The following PHACTR2 variants were observed in gnomAD, a reference collection of about 807,000 sequenced individuals.
PHACTR2 encodes the protein chromosome 6 open reading frame 56.
Under a neutral mutation model 76.0 loss-of-function variants are expected in PHACTR2, and 30 were observed. The observed-to-expected ratio is 0.39, with a 90% CI of 0.30 to 0.54. The LOEUF (loss-of-function observed/expected upper bound fraction) is 0.54. Ranked by LOEUF, PHACTR2 falls within the 20% of genes least tolerant of loss-of-function variation. PHACTR2 has a pLI of 0.61. For missense variants in PHACTR2, 696 were observed against 781.1 expected, an observed-to-expected ratio of 0.89 and a Z score of 1.30; for synonymous variants, 292 against 292.5, an observed-to-expected ratio of 1.00 and a Z score of 0.02.
rs537165475 is a variant in PHACTR2 at position 143,828,465 on chromosome 6, T to G, written c.*4776T>G. 3 of 152,342 alleles carry G rather than the reference T, an allele frequency of 2.0e-5. No homozygotes were observed. The East Asian group carries it at 5.8e-4, about 29-fold the overall frequency. 9.4% of individuals were successfully genotyped at this position (152,342 alleles called of 1,614,324 possible). A position where few individuals can be genotyped will look rare whatever the true frequency, so the allele number is the denominator to read the frequency against. On this transcript the variant is annotated 3_prime_UTR_variant, in exon 13 of 13. Coordinates refer to ENST00000440869, the MANE Select transcript of PHACTR2 (RefSeq NM_001100164.2). This position sits in a 1 kb window ranked among gnomAD's most constrained non-coding sequence, Gnocchi z 4.7. ...ACCATTAGCATTTCTAGAAAGCAGCTGGAACCTTACCCACCAATGCTTTTT... is the reference window on the plus strand; with the variant it reads ...ACCATTAGCATTTCTAGAAAGCAGCGGGAACCTTACCCACCAATGCTTTTT...
intron 1 of PHACTR2, among the ~76,000 whole-genome samples, chr6:143,643,935 A>G (rs1371985608): frequency 6.6e-6 from 1 of 152,184 alleles, no homozygotes; most frequent in Non-Finnish European, 1.5e-5. Context: ...TGGATATCAA[A>G]AAAGATTAGA....
At chr6:143,797,741 T>A (rs1011417738) in intron 11 of PHACTR2, among the ~76,000 whole-genome samples, 1 of 151,838 alleles carries the variant, frequency 6.6e-6, no homozygotes, top group Admixed American at 6.6e-5. Flanking sequence ...TATTTCTCCG[T>A]TCTGTTCCAT....
At chr6:143,740,523 A>AAAAAAAAT (rs1778918045) in intron 2 of PHACTR2, among the ~76,000 whole-genome samples, 1 of 148,482 alleles carries the variant, frequency 6.7e-6, no homozygotes, top group South Asian at 2.2e-4. Flanking sequence ...AAAAAAAAAA[A>AAAAAAAAT]GGAAAAAATA....
In PHACTR2 at chr6:143,679,997, T is replaced by C. The variant is rs1038948193; in HGVS notation, c.46+1788T>C. Among the ~76,000 whole-genome samples the C allele has an allele frequency of 2.0e-5, 3 of 151,974 alleles. No homozygotes were observed. Among genetic ancestry groups the C allele is most frequent in the African/African-American group, 7.3e-5 (3 of 41,358 alleles). On this transcript the variant is annotated intron_variant, in intron 1 of 12. Transcript: ENST00000440869. The surrounding 1 kb of genome is among the most constrained non-coding windows in gnomAD (Gnocchi z 4.6). ...CAATCCATACATCATAAATACAGGG[T>C]TTTTTATTTTTCAGTTAAGGAATGA...
chr6:143,768,951 C>T (rs895525647), intron 6 of PHACTR2, among the ~76,000 whole-genome samples: 1 of 152,162 alleles, frequency 6.6e-6, no homozygotes, highest in Non-Finnish European at 1.5e-5. Flanking sequence ...AAATTTCCTT[C>T]CAAATTCCTT....
In PHACTR2 at chr6:143,662,909, A is replaced by G. The variant is rs902910305; in HGVS notation, c.14-49107A>G. ...CACAGTGTCTATTGTTCTCATGTTT[A>G]TGTCCATGTGTGCTCAATGTTTAGC... On this transcript the variant is annotated intron_variant, in intron 1 of 11. Transcript: ENST00000305766. This position sits in a 1 kb window ranked among gnomAD's most constrained non-coding sequence, Gnocchi z 4.7. 2.0e-5 allele frequency among the ~76,000 whole-genome samples: 3 copies of G among 152,030 alleles called. No individual in the cohort carries two copies. The highest frequency in any genetic ancestry group is 2.9e-5 in the Non-Finnish European group (2 of 67,980).
intron 3 of PHACTR2, 52 bp downstream of exon 3, chr6:143,749,117 T>G (rs768222639): frequency 1.2e-6 from 1 of 850,486 alleles, no homozygotes; most frequent in African/African-American, 1.7e-5. Flanking sequence ...ATTCTTTGGT[T>G]TTTCTTTTGT....
rs748075314 is a variant in PHACTR2, at chr6:143,829,188, CTTTTTTTTTTTTT to C, written c.*5509_*5521del. The C allele has an allele frequency of 1.4e-5, 1 of 71,706 alleles. No homozygotes were observed. Among genetic ancestry groups the C allele is most frequent in the Non-Finnish European group, 2.7e-5 (1 of 37,234 alleles). The allele number at this position is 71,706 out of a possible 1,614,324, so 4.4% of individuals were successfully genotyped here. ...AAGGAGAGATCATACATGAAGAAAG[CTTTTTTTTTTTTT>C]TTTTTTTTTGCCTTACAACTTTTCT... is the stretch of plus-strand genomic sequence containing the variant. On this transcript the variant is annotated 3_prime_UTR_variant, in exon 13 of 13. Transcript: ENST00000440869.
chr6:143,653,660 T>G lies in PHACTR2; in HGVS notation c.13+45338T>G, dbSNP rs1168332415. Among the ~76,000 whole-genome samples, 4 of 151,802 alleles carry G rather than the reference T, an allele frequency of 2.6e-5. No individual in the cohort carries two copies. The Admixed American group carries it at 2.6e-4, about 10-fold the overall frequency. On this transcript the variant is annotated intron_variant, in intron 1 of 11. Transcript: ENST00000305766. The surrounding 1 kb of genome is among the most constrained non-coding windows in gnomAD (Gnocchi z 4.9). ...CAAACAGTGCTAGGGCAACTAGATA[T>G]CTATGTGAAGAAGAATAAAGTGAGA...
Position 143,678,186 on chromosome 6 carries a change from C to T in PHACTR2, c.23C>T (p.Thr8Met), listed in dbSNP as rs1403783791. Reference sequence around the variant, plus strand: ...GTCATGGGCCAGACCTCGGTGTCCACGCTGTCCCCGCAGCCCGGCAGCGGT... The same window carrying T: ...GTCATGGGCCAGACCTCGGTGTCCATGCTGTCCCCGCAGCCCGGCAGCGGT... MGQTSVS[T>M]LSPQPGSVDG... Residue 8 changes from threonine (T) to methionine (M), a missense_variant, in exon 1 of 13, where the codon ACG (threonine) becomes ATG (methionine). Around this residue, in one of 2 missense-constraint regions of PHACTR2, gnomAD observed 460 missense variants for 450.9 expected, o/e 1.02. Coordinates refer to ENST00000440869, the MANE Select transcript of PHACTR2 (RefSeq NM_001100164.2). The surrounding 1 kb of genome is among the most constrained non-coding windows in gnomAD (Gnocchi z 6.2). 1.3e-6 allele frequency: 2 copies of T among 1,538,736 alleles called. No individual in the cohort carries two copies. Among genetic ancestry groups the T allele is most frequent in the Non-Finnish European group, 1.8e-6 (2 of 1,141,916 alleles).
chr6:143,563,551 C>CAAAAAAAAAA (rs76587878), intron 1 of PHACTR2, among the ~76,000 whole-genome samples: 47 of 29,896 alleles, frequency 1.6e-3, no homozygotes, highest in Middle Eastern at 0.022. Flanking sequence ...AACTCCGTCT[C>CAAAAAAAAAA]AAAAAAAAAA....
rs527767339 is a variant in PHACTR2, at chr6:143,627,671, G to A, written c.13+19349G>A. On this transcript the variant is annotated intron_variant, in intron 1 of 11. Transcript: ENST00000305766. This position sits in a 1 kb window ranked among gnomAD's most constrained non-coding sequence, Gnocchi z 4.3. ...GGCTGGAATGCAGTGGCACGATCTCGGCTCACTGCAACCTCCGCCTCCCAG... is the reference window on the plus strand; with the variant it reads ...GGCTGGAATGCAGTGGCACGATCTCAGCTCACTGCAACCTCCGCCTCCCAG... Among the ~76,000 whole-genome samples the A allele has an allele frequency of 5.4e-5, 8 of 149,368 alleles. No homozygotes were observed. The highest frequency in any genetic ancestry group is 2.7e-4 in the Admixed American group (4 of 14,924).
In PHACTR2 at chr6:143,757,199, T is replaced by C. The variant is rs1178110186; in HGVS notation, c.455-3202T>C. The stretch of plus-strand genomic sequence containing the variant: ...TTCCACAAATAATGAAAGTCTACCA[T>C]AGGTGAGACTCTACTAGGGGCCAGG... On this transcript the variant is annotated intron_variant, in intron 4 of 12. Coordinates refer to ENST00000440869, the MANE Select transcript of PHACTR2 (RefSeq NM_001100164.2). This position sits in a 1 kb window ranked among gnomAD's most constrained non-coding sequence, Gnocchi z 4.2. Among the ~76,000 whole-genome samples the C allele has an allele frequency of 1.3e-5, 2 of 152,210 alleles. No individual in the cohort carries two copies. Among genetic ancestry groups the C allele is most frequent in the African/African-American group, 4.8e-5 (2 of 41,454 alleles).
chr6:143,706,630 A>G (rs892421361), intron 1 of PHACTR2, among the ~76,000 whole-genome samples: 6 of 152,116 alleles, frequency 3.9e-5, no homozygotes, highest in Non-Finnish European at 8.8e-5. Flanking sequence ...TTTAACCTGC[A>G]CCCCGTGTGA....
At chr6:143,567,042 A>G (rs1042609339) in intron 1 of PHACTR2, among the ~76,000 whole-genome samples, 1 of 151,718 alleles carries the variant, frequency 6.6e-6, no homozygotes, top group Non-Finnish European at 1.5e-5. Context: ...TAGCAGCCAC[A>G]CACTCAGTTC....
upstream of PHACTR2, among the ~76,000 whole-genome samples, chr6:143,604,260 C>G (rs1207627841): frequency 1.3e-5 from 2 of 152,088 alleles, no homozygotes; most frequent in South Asian, 2.1e-4. Flanking sequence ...ATTTGAGTAT[C>G]CAAGAGATCT....
rs972066878 is a variant in PHACTR2 at position 143,653,773 on chromosome 6, A to C, written c.13+45451A>C. 7.2e-5 allele frequency among the ~76,000 whole-genome samples: 11 copies of C among 152,158 alleles called. No homozygotes were observed. Among genetic ancestry groups the C allele is most frequent in the African/African-American group, 2.7e-4 (11 of 41,448 alleles). ...CTAAAACTATAACAGGCTTAGAAGA[A>C]AACATAGGTGTAAATTTTCATGACC... On this transcript the variant is annotated intron_variant, in intron 1 of 11. Coordinates refer to the PHACTR2 transcript ENST00000305766. The surrounding 1 kb of genome is among the most constrained non-coding windows in gnomAD (Gnocchi z 4.9).
chr6:143,668,044 G>C (rs1777074299), intron 1 of PHACTR2, among the ~76,000 whole-genome samples: 1 of 152,144 alleles, frequency 6.6e-6, no homozygotes, highest in African/African-American at 2.4e-5. Context: ...ATTATTTTGA[G>C]ATACGTTTTA....
In PHACTR2 at chr6:143,743,965, C is replaced by T. The variant is rs554055481; in HGVS notation, c.215-5020C>T. ...CCAAGTATCCGCAGAAAAAAGCCAG[C>T]GGCATATGCTCCAGCCTCTTTTCCT... On this transcript the variant is annotated intron_variant, in intron 2 of 12. Coordinates refer to ENST00000440869, the MANE Select transcript of PHACTR2 (RefSeq NM_001100164.2). The surrounding 1 kb of genome is among the most constrained non-coding windows in gnomAD (Gnocchi z 5.0). Among the ~76,000 whole-genome samples the T allele has an allele frequency of 2.0e-5, 3 of 152,308 alleles. No homozygotes were observed. The highest frequency in any genetic ancestry group is 4.1e-4 in the South Asian group (2 of 4,828).
Sources: allele counts gnomAD v4.1 joint callset (sites outside exome capture counted in the v4.1 genomes callset), GRCh38; gene constraint gnomAD v4.1.1; regional missense constraint gnomAD v4.1.1; non-coding constraint Gnocchi (gnomAD v3.1); transcripts MANE v1.5; gene names NCBI Gene and HGNC (gene_info 2026-07-23, HGNC 2026-07-21).